The following PIBF1 variants were observed in gnomAD, a reference collection of about 807,000 sequenced individuals.
PIBF1 encodes the protein progesterone immunomodulatory binding factor 1.
In PIBF1, 90 loss-of-function variants were observed where a neutral mutation model predicts 112.5. That is an observed-to-expected ratio of 0.80 (90% confidence interval 0.67 to 0.95). The LOEUF is 0.95. Among genes scored for constraint, PIBF1 ranks in the 40% least tolerant of loss-of-function variants. PIBF1 has a pLI of 0.00. For missense variants in PIBF1, 915 were observed against 852.3 expected, an observed-to-expected ratio of 1.07 and a Z score of -0.92; for synonymous variants, 301 against 288.6, an observed-to-expected ratio of 1.04 and a Z score of -0.44.
At position 72,928,940 on chromosome 13, in the gene PIBF1, A is replaced by G. The variant is rs907054305; in HGVS notation, c.1731-2225A>G. ...TGGTAATATGTGACCTCTGCATCTC[A>G]TTTTCTTGCATGTCTTTGTCTTCCA... is the stretch of plus-strand genomic sequence containing the variant. On this transcript the variant is annotated intron_variant, in intron 13 of 17. Transcript: ENST00000326291. Among the ~76,000 whole-genome samples, 6 of 152,030 alleles carry G rather than the reference A, an allele frequency of 3.9e-5. No homozygotes were observed. The East Asian group carries it at 7.7e-4, about 20-fold the overall frequency.
At position 72,961,818 on chromosome 13, in the gene PIBF1, G is replaced by GA. The variant is rs200606971; in HGVS notation, c.1834-3448dup. ...TGACATACAATTACCATTTGCTTAGGAAAAAAAATAAAGAACAAAAACAAG... is the reference window on the plus strand; with the variant it reads ...TGACATACAATTACCATTTGCTTAGGAAAAAAAAATAAAGAACAAAAACAAG... On this transcript the variant is annotated intron_variant, in intron 14 of 17. Transcript: ENST00000326291. Among the ~76,000 whole-genome samples, 1,066 of 151,458 alleles carry GA rather than the reference G, an allele frequency of 7.0e-3. 15 individuals are homozygous for GA. Among genetic ancestry groups the GA allele is most frequent in the African/African-American group, 0.025 (1,027 of 41,306 alleles).
intron 2 of PIBF1, among the ~76,000 whole-genome samples, chr13:72,788,063 G>A (rs941798235): frequency 2.0e-5 from 3 of 152,116 alleles, no homozygotes; most frequent in Admixed American, 1.3e-4. Flanking sequence ...GTATGCTAAC[G>A]TTATGAAAAA....
intron 9 of PIBF1, among the ~76,000 whole-genome samples, chr13:72,842,160 G>A (rs1355581968): frequency 2.0e-5 from 3 of 152,110 alleles, no homozygotes; most frequent in African/African-American, 7.2e-5. Flanking sequence ...TTCCTAATTA[G>A]GTTATGAGAT....
At chr13:72,817,345 C>T (rs185678974) in intron 5 of PIBF1, among the ~76,000 whole-genome samples, 195 of 152,220 alleles carry the variant, frequency 1.3e-3, no homozygotes, top group African/African-American at 4.4e-3. Flanking sequence ...TGAGGCTTGG[C>T]TATTATTATC....
intron 12 of PIBF1, among the ~76,000 whole-genome samples, chr13:72,916,387 C>G (rs543175781): frequency 9.3e-4 from 117 of 125,972 alleles, no homozygotes; most frequent in Admixed American, 4.5e-3. Flanking sequence ...AGCGAAACTC[C>G]ATCTCAAAAA....
chr13:72,870,546 C>T (rs1594092988), intron 10 of PIBF1, among the ~76,000 whole-genome samples: 1 of 152,058 alleles, frequency 6.6e-6, no homozygotes, highest in African/African-American at 2.4e-5. Flanking sequence ...TTTATTGAAC[C>T]TTTGTGCATG....
intron 14 of PIBF1, among the ~76,000 whole-genome samples, chr13:72,955,292 G>A (rs1218293550): frequency 6.6e-6 from 1 of 151,940 alleles, no homozygotes; most frequent in Non-Finnish European, 1.5e-5. Context: ...CAGTTAATAT[G>A]GATCCAGACA....
intron 11 of PIBF1, among the ~76,000 whole-genome samples, chr13:72,906,484 A>G (rs1423748746): frequency 2.0e-5 from 3 of 152,160 alleles, no homozygotes; most frequent in East Asian, 1.9e-4. Context: ...CAAATCCTTA[A>G]TATTATAGCC....
intron 11 of PIBF1, among the ~76,000 whole-genome samples, chr13:72,902,474 G>T (rs1019817430): frequency 2.6e-5 from 4 of 151,020 alleles, no homozygotes; most frequent in Non-Finnish European, 4.4e-5. Flanking sequence ...TGCATCAGTA[G>T]GCAATATACC....
chr13:72,893,773 G>C lies in PIBF1; in HGVS notation c.1323-11G>C. On this transcript the variant is annotated splice_polypyrimidine_tract_variant and intron_variant, in intron 10 of 17. Transcript: ENST00000326291. Reference sequence around the variant, plus strand: ...TTCTTTAGAGTGTCATAACCATTCTGCTTCTTTCAGGTACAGAGAACTACA... The same window carrying C: ...TTCTTTAGAGTGTCATAACCATTCTCCTTCTTTCAGGTACAGAGAACTACA... 1 of 1,536,632 alleles carries C rather than the reference G, an allele frequency of 6.5e-7. No individual in the cohort carries two copies. The highest frequency in any genetic ancestry group is 8.8e-7 in the Non-Finnish European group (1 of 1,139,134).
chr13:72,789,492 A>G (rs2034785353), intron 2 of PIBF1, among the ~76,000 whole-genome samples: 1 of 152,004 alleles, frequency 6.6e-6, no homozygotes, highest in South Asian at 2.1e-4. Flanking sequence ...AGCTCTTTAA[A>G]ATTTTTAAAT....
At chr13:73,006,598 A>AT (rs1055121548) in intron 17 of PIBF1, among the ~76,000 whole-genome samples, 9 of 151,982 alleles carry the variant, frequency 5.9e-5, no homozygotes, top group Admixed American at 2.6e-4. Context: ...CCAGACATAG[A>AT]TTTTTTTTCC....
chr13:72,984,823 C>T (rs1195511955), intron 16 of PIBF1, among the ~76,000 whole-genome samples: 1 of 152,084 alleles, frequency 6.6e-6, no homozygotes, highest in Non-Finnish European at 1.5e-5. Flanking sequence ...CAAGTCAGTT[C>T]AGTCTTGTGT....
Position 72,810,573 on chromosome 13 carries a change from A to G in PIBF1, c.673-11276A>G, listed in dbSNP as rs1349684906. On this transcript the variant is annotated intron_variant, in intron 5 of 17. Transcript: ENST00000326291. ...TGAAAATGAGTTATTTCATTGATGA[A>G]ACATATTTGTTTATTAAAGTTTTTA... is the stretch of plus-strand genomic sequence containing the variant. Among the ~76,000 whole-genome samples the G allele has an allele frequency of 2.6e-5, 4 of 152,182 alleles. 1 individual carries two copies. The East Asian group carries it at 7.7e-4, about 29-fold the overall frequency.
intron 10 of PIBF1, among the ~76,000 whole-genome samples, chr13:72,877,832 C>A (rs1002071348): frequency 6.6e-6 from 1 of 151,672 alleles, no homozygotes; most frequent in African/African-American, 2.4e-5. Flanking sequence ...TCACCTCAAC[C>A]TCCGCCTCTC....
chr13:72,895,183 C>G (rs1162817642), intron 11 of PIBF1, among the ~76,000 whole-genome samples: 2 of 151,680 alleles, frequency 1.3e-5, no homozygotes, highest in Non-Finnish European at 2.9e-5. Flanking sequence ...GGGAATTAAT[C>G]TGTTAATCTG....
chr13:72,802,500 A>G (rs1459259784), intron 5 of PIBF1, among the ~76,000 whole-genome samples: 1 of 152,168 alleles, frequency 6.6e-6, no homozygotes, highest in African/African-American at 2.4e-5. Context: ...TAGAGCCAAT[A>G]GAAAAAAGGT....
intron 10 of PIBF1, among the ~76,000 whole-genome samples, chr13:72,892,205 T>G (rs2040085111): frequency 1.3e-5 from 2 of 152,270 alleles, no homozygotes; most frequent in South Asian, 4.1e-4. Flanking sequence ...TTATCAGTGT[T>G]TGTTTTTCTA....
intron 10 of PIBF1, among the ~76,000 whole-genome samples, chr13:72,861,892 A>G (rs550797565): frequency 6.6e-6 from 1 of 152,348 alleles, no homozygotes; most frequent in Non-Finnish European, 1.5e-5. Flanking sequence ...ATATATGAAA[A>G]TGATAGTATA....
Sources: allele counts gnomAD v4.1 joint callset (sites outside exome capture counted in the v4.1 genomes callset), GRCh38; gene constraint gnomAD v4.1.1; transcripts MANE v1.5; gene names NCBI Gene and HGNC (gene_info 2026-07-23, HGNC 2026-07-21).